The following DPP10 variants were observed in gnomAD, a reference collection of about 807,000 sequenced individuals.
DPP10 encodes the protein inactive dipeptidyl peptidase 10.
DPP10 carries 33 observed loss-of-function variants against 120.9 expected under a neutral mutation model. That is an observed-to-expected ratio of 0.27 (90% confidence interval 0.21 to 0.37). The LOEUF is 0.37. DPP10 is among the 10% of genes least tolerant of loss of function. The pLI is 1.00. For synonymous variants in DPP10, 337 were observed against 326.1 expected (o/e 1.03, Z -0.36); for missense variants, 816 against 942.8 (o/e 0.87, Z 1.76).
At chr2:115,092,439 C>T (rs11123277) in intron 1 of DPP10, among the ~76,000 whole-genome samples, 37,684 of 152,012 alleles carry the variant, frequency 0.25, 5,045 homozygotes, top group Middle Eastern at 0.32. Flanking sequence ...TCCCCATAAG[C>T]GTGTCTGTTT....
chr2:114,718,126 A>T (rs1450729980), intron 1 of DPP10, among the ~76,000 whole-genome samples: 1 of 152,014 alleles, frequency 6.6e-6, no homozygotes, highest in Non-Finnish European at 1.5e-5. Flanking sequence ...CATAAAAATG[A>T]AAGTTAGTGG....
chr2:114,693,760 G>A (rs762003146), intron 1 of DPP10, among the ~76,000 whole-genome samples: 7 of 151,812 alleles, frequency 4.6e-5, no homozygotes, highest in African/African-American at 9.7e-5. Flanking sequence ...CATATTTCTT[G>A]GAGGTTTCGT....
At chr2:115,577,530 A>G (rs1438577094) in intron 5 of DPP10, among the ~76,000 whole-genome samples, 1 of 152,196 alleles carries the variant, frequency 6.6e-6, no homozygotes, top group Non-Finnish European at 1.5e-5. Flanking sequence ...ATAAAATGTT[A>G]GTATTCTTGT....
intron 1 of DPP10, among the ~76,000 whole-genome samples, chr2:114,682,017 G>A (rs374961812): frequency 9.2e-5 from 14 of 152,048 alleles, no homozygotes; most frequent in Non-Finnish European, 1.6e-4. Flanking sequence ...GAGTTAAAGC[G>A]TTGTCAATTG....
intron 1 of DPP10, among the ~76,000 whole-genome samples, chr2:114,775,844 G>T (rs1681681429): frequency 6.6e-6 from 1 of 152,140 alleles, no homozygotes; most frequent in Non-Finnish European, 1.5e-5. Context: ...TACTGTTCAA[G>T]CCTCTGGCAA....
chr2:115,274,103 CTGTGTGTG>C (rs146168246), intron 1 of DPP10, among the ~76,000 whole-genome samples: 16 of 150,356 alleles, frequency 1.1e-4, no homozygotes, highest in Middle Eastern at 3.4e-3. Flanking sequence ...GTGTGTGTGT[CTGTGTGTG>C]TGTGTGTGTC....
At chr2:115,230,518 G>C (rs1195994866) in intron 1 of DPP10, among the ~76,000 whole-genome samples, 3 of 151,930 alleles carry the variant, frequency 2.0e-5, no homozygotes, top group African/African-American at 7.2e-5. Context: ...ACTAGTTGCT[G>C]TTGTATCTAC....
At chr2:115,766,310 G>GTATA (rs1221483510) in intron 12 of DPP10, among the ~76,000 whole-genome samples, 21 of 81,734 alleles carry the variant, frequency 2.6e-4, no homozygotes, top group African/African-American at 8.7e-4. Context: ...GTGTGTGTGT[G>GTATA]TATATATATA....
rs896904052 is a variant in DPP10 at position 114,866,905 on chromosome 2, A to C, written c.60+424067A>C. The stretch of plus-strand genomic sequence containing the variant: ...AGCTCAAACAGGATCATATTCACAT[A>C]ATGCAGGCTTTATCTTTTGCTGCCT... On this transcript the variant is annotated intron_variant, in intron 1 of 25. Transcript: ENST00000410059. Among the ~76,000 whole-genome samples the C allele has an allele frequency of 9.2e-5, 14 of 152,324 alleles. No homozygotes were observed. The East Asian group carries it at 2.3e-3, about 25-fold the overall frequency.
chr2:115,299,293 A>G (rs2061020704), intron 1 of DPP10, among the ~76,000 whole-genome samples: 1 of 152,094 alleles, frequency 6.6e-6, no homozygotes, highest in African/African-American at 2.4e-5. Context: ...GATATGGGCC[A>G]GCACCAAGTT....
At chr2:115,017,342 C>T (rs28796102) in intron 1 of DPP10, among the ~76,000 whole-genome samples, 20 of 151,702 alleles carry the variant, frequency 1.3e-4, no homozygotes, top group Non-Finnish European at 1.8e-4. Flanking sequence ...TCATTAAAAA[C>T]GTGGGAAACA....
At chr2:115,588,605 C>G (rs1244675118) in intron 5 of DPP10, among the ~76,000 whole-genome samples, 1 of 152,186 alleles carries the variant, frequency 6.6e-6, no homozygotes, top group Non-Finnish European at 1.5e-5. Flanking sequence ...GTGTTGCACA[C>G]ACAGGAAACA....
chr2:115,183,763 CAG>C (rs1036133646), intron 1 of DPP10, among the ~76,000 whole-genome samples: 1 of 152,050 alleles, frequency 6.6e-6, no homozygotes, highest in African/African-American at 2.4e-5. Flanking sequence ...ATAACTCTCA[CAG>C]AGAAAATCTA....
chr2:115,765,098 G>A (rs1234737315), intron 12 of DPP10, among the ~76,000 whole-genome samples: 1 of 152,022 alleles, frequency 6.6e-6, no homozygotes, highest in African/African-American at 2.4e-5. Flanking sequence ...CATCTGTGTG[G>A]AGCTGAATGT....
intron 3 of DPP10, among the ~76,000 whole-genome samples, chr2:115,385,743 T>C (rs1380401687): frequency 6.6e-6 from 1 of 152,202 alleles, no homozygotes; most frequent in African/African-American, 2.4e-5. Context: ...AGTTTTTATT[T>C]CTGACAGCTT....
chr2:114,921,626 T>A lies in DPP10; in HGVS notation c.61-387613T>A, dbSNP rs185971431. Among the ~76,000 whole-genome samples the A allele has an allele frequency of 3.7e-3, 565 of 152,346 alleles. 4 individuals carry two copies. The highest frequency in any genetic ancestry group is 5.6e-3 in the Non-Finnish European group (384 of 68,020). ...ATATGTAGTTTTATCAAAATTCTCT[T>A]AAGGGTTGTATAAACTAAATGAAAT... is the stretch of plus-strand genomic sequence containing the variant. On this transcript the variant is annotated intron_variant, in intron 1 of 25. Coordinates refer to ENST00000410059, the MANE Select transcript of DPP10 (RefSeq NM_020868.6).
chr2:115,443,633 A>G (rs1221906943), intron 3 of DPP10, among the ~76,000 whole-genome samples: 7 of 152,188 alleles, frequency 4.6e-5, no homozygotes, highest in Admixed American at 2.6e-4. Flanking sequence ...ATGATTCACA[A>G]AATGTGGTTC....
chr2:115,827,414 GTATATATATATATATATATATA>G (rs70941101), intron 21 of DPP10, among the ~76,000 whole-genome samples: 1 of 75,452 alleles, frequency 1.3e-5, no homozygotes, highest in Admixed American at 1.8e-4. Flanking sequence ...ATGTGTGTGT[GTATATATATATATATATATATA>G]TATATATATA....
At chr2:115,390,263 T>A (rs903807437) in intron 3 of DPP10, among the ~76,000 whole-genome samples, 1 of 152,250 alleles carries the variant, frequency 6.6e-6, no homozygotes, top group African/African-American at 2.4e-5. Flanking sequence ...ACAAACACCA[T>A]GCTGAAATAT....
Sources: gnomAD v4.1 joint callset for allele counts (sites outside exome capture counted in the v4.1 genomes callset) on GRCh38, gnomAD v4.1.1 for gene constraint, MANE v1.5 for transcripts, NCBI Gene and HGNC (gene_info 2026-07-23, HGNC 2026-07-21) for gene names.